The following LNX1 variants were observed in gnomAD, a reference collection of about 807,000 sequenced individuals.
LNX1 encodes E3 ubiquitin-protein ligase LNX.
A neutral mutation model predicts 68.4 loss-of-function variants in LNX1; 54 were observed. That is an observed-to-expected ratio of 0.79 (90% CI 0.63 to 0.99). The LOEUF is 0.99. Ranked by LOEUF, LNX1 falls within the 50% of genes least tolerant of loss-of-function variation. The pLI is 0.00. For synonymous variants in LNX1, 336 were observed against 350.0 expected (o/e 0.96, Z 0.45); for missense variants, 906 against 926.4 (o/e 0.98, Z 0.29).
chr4:53,477,829 G>A (rs972453448), intron 8 of LNX1, among the ~76,000 whole-genome samples: 1 of 152,090 alleles, frequency 6.6e-6, no homozygotes, highest in African/African-American at 2.4e-5. Context: ...CCCGAAAGAA[G>A]CATCTTTCAG....
chr4:53,537,952 G>A (rs759661554), intron 2 of LNX1, among the ~76,000 whole-genome samples: 1 of 152,188 alleles, frequency 6.6e-6, no homozygotes, highest in African/African-American at 2.4e-5. Flanking sequence ...AATATCCTAA[G>A]GCTGGGGGAG....
At chr4:53,532,237 G>C (rs1051366201) in intron 2 of LNX1, among the ~76,000 whole-genome samples, 1 of 152,192 alleles carries the variant, frequency 6.6e-6, no homozygotes, top group Non-Finnish European at 1.5e-5. Flanking sequence ...GCACTTGGGG[G>C]TGCTGAGGCA....
chr4:53,644,969 C>T (rs558779672), intron 1 of LNX1, among the ~76,000 whole-genome samples: 2 of 152,232 alleles, frequency 1.3e-5, no homozygotes, highest in South Asian at 2.1e-4. Context: ...TACCTTAGCC[C>T]CAGCCCTGAG....
At chr4:53,500,618 T>G (rs776638075) in intron 4 of LNX1, 5 of 152,216 alleles carry the variant, frequency 3.3e-5, no homozygotes, top group Non-Finnish European at 5.9e-5. Context: ...TAGGGCAAAG[T>G]AACTTAGTGG....
At chr4:53,467,785 T>C (rs1197884903) in intron 9 of LNX1, among the ~76,000 whole-genome samples, 2 of 151,864 alleles carry the variant, frequency 1.3e-5, no homozygotes, top group South Asian at 2.1e-4. Context: ...AAGAGAAGTT[T>C]AGAGAAAAAA....
chr4:53,561,309 C>A (rs1730269439), intron 2 of LNX1, among the ~76,000 whole-genome samples: 1 of 152,062 alleles, frequency 6.6e-6, no homozygotes, highest in Admixed American at 6.6e-5. Context: ...CTCATTGCAA[C>A]CTCCGCCTCC....
At chr4:53,602,279 TA>T (rs1306274114) in intron 2 of LNX1, among the ~76,000 whole-genome samples, 6 of 152,120 alleles carry the variant, frequency 3.9e-5, no homozygotes, top group Admixed American at 3.9e-4. Flanking sequence ...GGGACTTGAT[TA>T]GGGAAAATAC....
Position 53,568,663 on chromosome 4 carries a change from G to T in LNX1, c.380+4960C>A, listed in dbSNP as rs571010914. 2.0e-5 allele frequency among the ~76,000 whole-genome samples: 3 copies of T among 151,560 alleles called. No homozygotes were observed. In the South Asian group the frequency reaches 6.2e-4, roughly 32 times the overall value. Reference sequence around the variant, plus strand: ...CATAGTGTTGGAAGTTCTGGCCAGGGCAATTAGGCAGGAGAAGGAAATAAA... The same window carrying T: ...CATAGTGTTGGAAGTTCTGGCCAGGTCAATTAGGCAGGAGAAGGAAATAAA... On this transcript the variant is annotated intron_variant, in intron 2 of 10. Transcript: ENST00000263925.
intron 2 of LNX1, among the ~76,000 whole-genome samples, chr4:53,599,250 T>G (rs1732888891): frequency 6.6e-6 from 1 of 152,144 alleles, no homozygotes; most frequent in Non-Finnish European, 1.5e-5. Context: ...TCAGAAAGAC[T>G]TTGCTGATAA....
At position 53,652,055 on chromosome 4, in the gene LNX1, G is replaced by C. The variant is rs6843291; in HGVS notation, c.-215+113C>G. 6 of 136,880 alleles carry C rather than the reference G, an allele frequency of 4.4e-5. No individual in the cohort carries two copies. In the East Asian group the frequency reaches 5.8e-4, roughly 13 times the overall value. The allele number at this position is 136,880 out of a possible 1,614,324, so 8.5% of individuals were successfully genotyped here. Reference sequence around the variant, plus strand: ...AGAGAGAGAGAGAGAGAGAGAGAGAGAGAGAGACAGAGAAAGAGATAGGGG... The same window carrying C: ...AGAGAGAGAGAGAGAGAGAGAGAGACAGAGAGACAGAGAAAGAGATAGGGG... On this transcript the variant is annotated intron_variant, in intron 1 of 2. Coordinates refer to the LNX1 transcript ENST00000507168.
At chr4:53,598,068 A>T (rs553972521) in intron 2 of LNX1, among the ~76,000 whole-genome samples, 46 of 152,268 alleles carry the variant, frequency 3.0e-4, no homozygotes, top group African/African-American at 1.1e-3. Flanking sequence ...CTGGTTGGTT[A>T]TGGGCAGACT....
At chr4:53,566,563 A>T (rs1338920776) in intron 2 of LNX1, among the ~76,000 whole-genome samples, 3 of 151,060 alleles carry the variant, frequency 2.0e-5, no homozygotes, top group African/African-American at 4.9e-5. Context: ...TGTAAAGACC[A>T]TCGAGACTAG....
chr4:53,513,093 C>T (rs1277149617), intron 2 of LNX1, among the ~76,000 whole-genome samples: 1 of 90,280 alleles, frequency 1.1e-5, no homozygotes, highest in Non-Finnish European at 2.3e-5. Flanking sequence ...TGCATCTTAA[C>T]CATACCAACA....
chr4:53,614,759 T>C (rs1484887230), intron 2 of LNX1, among the ~76,000 whole-genome samples: 2 of 152,238 alleles, frequency 1.3e-5, no homozygotes, highest in Non-Finnish European at 2.9e-5. Context: ...TGATGTCAAC[T>C]GAATGCTTGC....
In LNX1 at chr4:53,469,336, A is replaced by C. The variant is rs145929273; in HGVS notation, c.1892+7417T>G. Among the ~76,000 whole-genome samples the C allele has an allele frequency of 2.7e-3, 406 of 152,350 alleles. 14 individuals are homozygous for C. The East Asian group carries it at 0.067, about 25-fold the overall frequency. The stretch of plus-strand genomic sequence containing the variant: ...TACCAGAATCTCTGGGACACATTCA[A>C]AGCAGTGTGTAAAGGGAAATTTATA... On this transcript the variant is annotated intron_variant, in intron 9 of 10. Transcript: ENST00000263925.
rs1341497546 is a variant in LNX1 at position 53,460,132 on chromosome 4, C to T, written c.*775G>A. ...TCTTCATTGTGGCACAAATTTAAAT[C>T]GCCTCATGACCATGTCTGTGAGCCA... On this transcript the variant is annotated 3_prime_UTR_variant, in exon 11 of 11. Coordinates refer to ENST00000263925, the MANE Select transcript of LNX1 (RefSeq NM_001126328.3). The T allele has an allele frequency of 5.0e-6, 1 of 198,512 alleles. No homozygotes were observed. The highest frequency in any genetic ancestry group is 1.0e-5 in the Non-Finnish European group (1 of 95,948). 12.3% of individuals were successfully genotyped at this position (198,512 alleles called of 1,614,324 possible).
At chr4:53,471,586 C>T (rs1400429558) in intron 9 of LNX1, among the ~76,000 whole-genome samples, 2 of 151,928 alleles carry the variant, frequency 1.3e-5, no homozygotes, top group South Asian at 2.1e-4. Flanking sequence ...TTTTGCAATC[C>T]ACTCATCTGA....
chr4:53,562,368 TG>T (rs1730352569), intron 2 of LNX1, among the ~76,000 whole-genome samples: 1 of 152,196 alleles, frequency 6.6e-6, no homozygotes. Context: ...GATGGGAGTC[TG>T]TAAGCATCTA....
chr4:53,599,211 T>G (rs1331576921), intron 2 of LNX1, among the ~76,000 whole-genome samples: 1 of 152,070 alleles, frequency 6.6e-6, no homozygotes, highest in Admixed American at 6.6e-5. Context: ...AGTCACAGGA[T>G]GAGATAAAAG....
Sources: allele counts gnomAD v4.1 joint callset (sites outside exome capture counted in the v4.1 genomes callset), GRCh38; gene constraint gnomAD v4.1.1; transcripts MANE v1.5; gene names NCBI Gene and HGNC (gene_info 2026-07-23, HGNC 2026-07-21).